PTPRN2: variants seen among roughly 807,000 people sequenced by gnomAD.
PTPRN2 encodes receptor-type tyrosine-protein phosphatase N2.
Under a neutral mutation model 118.8 loss-of-function variants are expected in PTPRN2, and 74 were observed. That is an observed-to-expected ratio of 0.62 (90% CI 0.52 to 0.76). The LOEUF (loss-of-function observed/expected upper bound fraction) is 0.76, where lower values mean the gene tolerates loss of function less well. PTPRN2 is among the 30% of genes least tolerant of loss of function. PTPRN2 has a pLI of 0.00. For missense variants in PTPRN2, 1,481 were observed against 1,394.4 expected, an observed-to-expected ratio of 1.06 and a Z score of -0.99; for synonymous variants, 641 against 608.0, an observed-to-expected ratio of 1.05 and a Z score of -0.80.
intron 11 of PTPRN2, among the ~76,000 whole-genome samples, chr7:158,051,117 T>A (rs897600469): frequency 1.8e-4 from 27 of 152,234 alleles, no homozygotes; most frequent in Non-Finnish European, 3.1e-4. Flanking sequence ...GGGGGGCATC[T>A]GCAGGGGGCA....
intron 2 of PTPRN2, among the ~76,000 whole-genome samples, chr7:158,338,321 G>T (rs62481689): frequency 0.8 from 27,584 of 34,284 alleles, 12,825 homozygotes; most frequent in Middle Eastern, 0.9. Flanking sequence ...GTCACCATAA[G>T]AGCTGACACC....
At chr7:158,412,020 C>T (rs1814142354) in intron 2 of PTPRN2, among the ~76,000 whole-genome samples, 1 of 150,484 alleles carries the variant, frequency 6.6e-6, no homozygotes, top group South Asian at 2.1e-4. Context: ...TCACAGCACC[C>T]TCCTCAGCTC....
intron 1 of PTPRN2, among the ~76,000 whole-genome samples, chr7:158,569,945 C>G (rs1488042381): frequency 6.6e-6 from 1 of 152,120 alleles, no homozygotes; most frequent in African/African-American, 2.4e-5. Context: ...CCCTCCCGGC[C>G]TCCCTCAGCC....
At chr7:157,588,979 T>A (rs2021742) in intron 17 of PTPRN2, among the ~76,000 whole-genome samples, 24,274 of 152,056 alleles carry the variant, frequency 0.16, 2,416 homozygotes, top group African/African-American at 0.27. Context: ...AACATATAAT[T>A]TACCGTTTGT....
chr7:157,783,390 G>T (rs7781720), intron 12 of PTPRN2, among the ~76,000 whole-genome samples: 13,814 of 151,398 alleles, frequency 0.091, 751 homozygotes, highest in Middle Eastern at 0.14. Flanking sequence ...CACAGCCTGG[G>T]ACATACGTCC....
At chr7:157,898,214 A>G (rs1204388564) in intron 12 of PTPRN2, among the ~76,000 whole-genome samples, 1 of 152,186 alleles carries the variant, frequency 6.6e-6, no homozygotes, top group Non-Finnish European at 1.5e-5. Flanking sequence ...ATTTTCAGTG[A>G]TATTATGGAA....
chr7:158,507,618 C>G (rs967351829), intron 1 of PTPRN2, among the ~76,000 whole-genome samples: 73 of 148,656 alleles, frequency 4.9e-4, no homozygotes, highest in African/African-American at 1.7e-3. Flanking sequence ...ATCCAGGGGA[C>G]AGCCCTGCTC....
chr7:158,424,689 G>A (rs939332174), intron 2 of PTPRN2, among the ~76,000 whole-genome samples: 5 of 152,278 alleles, frequency 3.3e-5, no homozygotes, highest in Non-Finnish European at 7.3e-5. Context: ...AGTCAAGCAC[G>A]ATGCTGCTGC....
chr7:158,379,040 G>T (rs1810758019), intron 2 of PTPRN2, among the ~76,000 whole-genome samples: 1 of 152,196 alleles, frequency 6.6e-6, no homozygotes, highest in Admixed American at 6.5e-5. Flanking sequence ...CCTGCAGGGT[G>T]AGGCAGGGTG....
rs1223821819 is a variant in PTPRN2, at chr7:157,627,945, G to C, written c.2197-6436C>G. 6.6e-6 allele frequency among the ~76,000 whole-genome samples: 1 copy of C among 152,212 alleles called. No individual in the cohort carries two copies. Among genetic ancestry groups the C allele is most frequent in the Non-Finnish European group, 1.5e-5 (1 of 68,040 alleles). Reference sequence around the variant, plus strand: ...AGCGCTCACATAATCTACTTTGTTAGAGATATGAACTCAATCTAAGGTTTC... The same window carrying C: ...AGCGCTCACATAATCTACTTTGTTACAGATATGAACTCAATCTAAGGTTTC... On this transcript the variant is annotated intron_variant, in intron 14 of 22. Transcript: ENST00000389418. The surrounding 1 kb of genome is among the most constrained non-coding windows in gnomAD (Gnocchi z 4.2).
In PTPRN2 at chr7:157,811,905, C is replaced by G. The variant is rs73513210; in HGVS notation, c.1788+86768G>C. ...GAACTCAGGACAAGGCCATCTGTAT[C>G]CCCAATGCTGAATGAGTCTCCGACA... On this transcript the variant is annotated intron_variant, in intron 12 of 22. Coordinates refer to ENST00000389418, the MANE Select transcript of PTPRN2 (RefSeq NM_002847.5). Among the ~76,000 whole-genome samples the G allele has an allele frequency of 6.1e-3, 929 of 152,242 alleles. 9 individuals are homozygous for G. The highest frequency in any genetic ancestry group is 0.022 in the African/African-American group (904 of 41,528).
At chr7:157,719,644 A>AGACCATCAGCAGGGCCC (rs762370210) in intron 12 of PTPRN2, among the ~76,000 whole-genome samples, 50 of 152,212 alleles carry the variant, frequency 3.3e-4, no homozygotes, top group Non-Finnish European at 6.6e-4. Context: ...GAGCAGGGCC[A>AGACCATCAGCAGGGCCC]GACCATCAGC....
chr7:158,056,365 C>T (rs929172047), intron 11 of PTPRN2, among the ~76,000 whole-genome samples: 7 of 152,226 alleles, frequency 4.6e-5, no homozygotes, highest in African/African-American at 9.6e-5. Flanking sequence ...CCCATGGGGG[C>T]GGCAGGCACT....
At chr7:157,836,131 T>TA (rs1260534119) in intron 12 of PTPRN2, among the ~76,000 whole-genome samples, 2 of 152,342 alleles carry the variant, frequency 1.3e-5, no homozygotes, top group African/African-American at 4.8e-5. Context: ...TCAAGTATGA[T>TA]AAAATGTTTA....
intron 12 of PTPRN2, among the ~76,000 whole-genome samples, chr7:157,833,021 C>G (rs1006284058): frequency 1.3e-5 from 2 of 151,986 alleles, no homozygotes; most frequent in Non-Finnish European, 2.9e-5. Context: ...GTGGCCGGTG[C>G]CCATCCATCC....
Position 157,990,587 on chromosome 7 carries a change from T to C in PTPRN2, c.1723+90711A>G, listed in dbSNP as rs1804175584. Among the ~76,000 whole-genome samples the C allele has an allele frequency of 6.6e-6, 1 of 151,076 alleles. No individual in the cohort carries two copies. The highest frequency in any genetic ancestry group is 2.4e-5 in the African/African-American group (1 of 41,046). On this transcript the variant is annotated intron_variant, in intron 11 of 22. Coordinates refer to ENST00000389418, the MANE Select transcript of PTPRN2 (RefSeq NM_002847.5). The surrounding 1 kb of genome is among the most constrained non-coding windows in gnomAD (Gnocchi z 4.3). ...CACAAGGCAAGGGAGGAGACATCGG[T>C]GGATGGGGGAGCAGGGCAGGCTGGG... is the stretch of plus-strand genomic sequence containing the variant.
intron 4 of PTPRN2, among the ~76,000 whole-genome samples, chr7:158,196,585 G>A (rs903866056): frequency 3.3e-5 from 5 of 152,068 alleles, no homozygotes; most frequent in African/African-American, 7.2e-5. Flanking sequence ...CCCCATGAGG[G>A]GTCTTCCCAA....
chr7:158,055,105 A>G (rs537104620), intron 11 of PTPRN2, among the ~76,000 whole-genome samples: 29 of 152,258 alleles, frequency 1.9e-4, no homozygotes, highest in Non-Finnish European at 3.7e-4. Context: ...AGATATGATT[A>G]TATATGAATA....
At chr7:157,576,134 AG>A (rs1800025996) in intron 19 of PTPRN2, among the ~76,000 whole-genome samples, 1 of 152,164 alleles carries the variant, frequency 6.6e-6, no homozygotes, top group African/African-American at 2.4e-5. Flanking sequence ...TTTTTTAAAG[AG>A]GGTCAGTTTC....
Sources: gnomAD v4.1 joint callset for allele counts (sites outside exome capture counted in the v4.1 genomes callset) on GRCh38, gnomAD v4.1.1 for gene constraint, Gnocchi (gnomAD v3.1) non-coding constraint, MANE v1.5 for transcripts, NCBI Gene and HGNC (gene_info 2026-07-23, HGNC 2026-07-21) for gene names.